Variants in PRAM1 observed in about 807,000 individuals in gnomAD.
PRAM1 encodes the protein PML-RARA-regulated adapter molecule 1.
A neutral mutation model predicts 55.3 loss-of-function variants in PRAM1; 41 were observed. The ratio of observed to expected loss-of-function variants is 0.74; its 90% CI spans 0.58 to 0.96. The LOEUF is 0.96. Ranked by LOEUF, PRAM1 falls within the 40% of genes least tolerant of loss-of-function variation. The pLI is 0.00. For missense variants in PRAM1, 898 were observed against 892.7 expected, an observed-to-expected ratio of 1.01 and a Z score of -0.08; for synonymous variants, 401 against 387.1, an observed-to-expected ratio of 1.04 and a Z score of -0.42.
chr19:8,497,769 C>G lies in PRAM1; in HGVS notation c.1571G>C (p.Gly524Ala). 1 of 1,609,220 alleles carries G rather than the reference C, an allele frequency of 6.2e-7. No homozygotes were observed. Among genetic ancestry groups the G allele is most frequent in the Non-Finnish European group, 8.5e-7 (1 of 1,178,602 alleles). The part of the protein sequence containing the change: ...PRDDSSPSPK[G>A]RDEAPSVQQA... ...CGGGCAGGCCACCAACAAACCTCTGCCCTTGGGGCTGGGGCTGGAGTCATC... is the reference window on the plus strand; with the variant it reads ...CGGGCAGGCCACCAACAAACCTCTGGCCTTGGGGCTGGGGCTGGAGTCATC... Residue 524 changes from glycine (G) to alanine (A), a missense_variant, in exon 4 of 10, where the codon GGC becomes GCC. Gly to Ala is a moderately conservative substitution (Grantham distance 60, BLOSUM62 0). Around this residue, in one of 4 missense-constraint regions of PRAM1, gnomAD observed 787 missense variants for 735.4 expected, o/e 1.07. Transcript: ENST00000423345.
At position 8,490,831 on chromosome 19, in the gene PRAM1, C is replaced by A; in HGVS notation, c.1743+56G>T. ...CCTGTCTTCTTTCTGAGCCTGGGAT[C>A]GGTGGGACCCTGGTCTCCGCCCTGC... On this transcript the variant is annotated intron_variant, in intron 6 of 9. Transcript: ENST00000423345. The surrounding 1 kb of genome is among the most constrained non-coding windows in gnomAD (Gnocchi z 7.3). 2.5e-6 allele frequency: 4 copies of A among 1,608,390 alleles called. No homozygotes were observed. In the South Asian group the frequency reaches 4.4e-5, roughly 18 times the overall value.
chr19:8,495,641 C>T (rs966104494), intron 4 of PRAM1, among the ~76,000 whole-genome samples: 1 of 151,802 alleles, frequency 6.6e-6, no homozygotes, highest in Non-Finnish European at 1.5e-5. Flanking sequence ...AGGTGCTTGC[C>T]TGGAAGCTGC....
chr19:8,491,303 G>A (rs1002309341), intron 4 of PRAM1, 146 bp from the exon 5 acceptor site: 27 of 815,498 alleles, frequency 3.3e-5, no homozygotes, highest in East Asian at 5.3e-5. Context: ...GCACAATCTC[G>A]GCTCACTGCA....
Position 8,490,417 on chromosome 19 carries a change from C to G in PRAM1, c.1941-45G>C. ...TCAGCAAGGGGCACCGTGGCCCATT[C>G]CCCCCACCCTGCACCACACACCCCG... On this transcript the variant is annotated intron_variant, in intron 8 of 9. Coordinates refer to ENST00000423345, the MANE Select transcript of PRAM1 (RefSeq NM_032152.5). The surrounding 1 kb of genome is among the most constrained non-coding windows in gnomAD (Gnocchi z 7.3). 6.2e-7 allele frequency: 1 copy of G among 1,613,458 alleles called. No individual in the cohort carries two copies. Among genetic ancestry groups the G allele is most frequent in the East Asian group, 2.2e-5 (1 of 44,850 alleles).
At chr19:8,492,683 G>A (rs923994362) in intron 4 of PRAM1, among the ~76,000 whole-genome samples, 14 of 152,134 alleles carry the variant, frequency 9.2e-5, no homozygotes, top group Non-Finnish European at 8.8e-5. Context: ...CATTGCACAG[G>A]AGGGCAATGA....
In PRAM1 at chr19:8,490,172, CCCCACG is replaced by C. The variant is rs768920736; in HGVS notation, c.*11_*16del. 75 of 1,553,564 alleles carry C rather than the reference CCCCACG, an allele frequency of 4.8e-5. No homozygotes were observed. In the Middle Eastern group the frequency reaches 1.0e-3, roughly 21 times the overall value. ...GCGCTGGGCTGGCTGGCTGTCCTGG[CCCCACG>C]CCTACCGGTCTTACCGTCCCAGGGG... On this transcript the variant is annotated 3_prime_UTR_variant, in exon 10 of 10. Transcript: ENST00000423345. The surrounding 1 kb of genome is among the most constrained non-coding windows in gnomAD (Gnocchi z 7.3).
chr19:8,499,718 G>A lies in PRAM1; in HGVS notation c.90C>T (p.Ser30=), dbSNP rs767559785. The A allele has an allele frequency of 2.5e-6, 4 of 1,613,660 alleles. No homozygotes were observed. Among genetic ancestry groups the A allele is most frequent in the African/African-American group, 2.7e-5 (2 of 74,972 alleles). ...AKFQASQPEP[S]DLPKKPPKPE... is the part of the protein sequence containing the mutation. ...GCTTCGGAGGTTTTTTGGGCAGGTC[G>A]CTGGGCTCCGGCTGAGAGGCCTGGA... The change falls in exon 2 of 10, where the codon AGC becomes AGT. Residue 30 remains serine (S), a synonymous_variant. Transcript: ENST00000423345.
chr19:8,490,188 C>T lies in PRAM1; in HGVS notation c.*1G>A. ...CTGTCCTGGCCCCACGCCTACCGGT[C>T]TTACCGTCCCAGGGGGAGTGGTTGG... On this transcript the variant is annotated 3_prime_UTR_variant, in exon 10 of 10. Transcript: ENST00000423345. The surrounding 1 kb of genome is among the most constrained non-coding windows in gnomAD (Gnocchi z 7.3). The T allele has an allele frequency of 6.3e-7, 1 of 1,577,348 alleles. No individual in the cohort carries two copies. The highest frequency in any genetic ancestry group is 1.3e-5 in the African/African-American group (1 of 74,554).
At chr19:8,502,423 G>A (rs1022240066) in intron 1 of PRAM1, 142 bp downstream of exon 1, 19 of 1,059,420 alleles carry the variant, frequency 1.8e-5, no homozygotes, top group African/African-American at 1.6e-4. Context: ...CCTTTTTGCC[G>A]ACCCTTCCCG....
Position 8,490,376 on chromosome 19 carries a change from G to A in PRAM1, c.1941-4C>T, listed in dbSNP as rs1404098907. The stretch of plus-strand genomic sequence containing the variant: ...ATCATCGTACACCTCCGTCTCCCTG[G>A]CAGAGCACAGTTGGGTCAGCAAGGG... On this transcript the variant is annotated splice_polypyrimidine_tract_variant and splice_region_variant and intron_variant, in intron 8 of 9. Transcript: ENST00000423345. This position sits in a 1 kb window ranked among gnomAD's most constrained non-coding sequence, Gnocchi z 7.3. The A allele has an allele frequency of 1.2e-6, 2 of 1,613,946 alleles. No homozygotes were observed. The highest frequency in any genetic ancestry group is 1.6e-4 in the Middle Eastern group (1 of 6,062).
chr19:8,496,596 G>A (rs553382522), intron 4 of PRAM1, among the ~76,000 whole-genome samples: 6 of 152,032 alleles, frequency 3.9e-5, no homozygotes, highest in South Asian at 2.1e-4. Flanking sequence ...TTGGTGGCAC[G>A]TGCCTGTAAT....
chr19:8,491,064 C>T (rs775736838), intron 5 of PRAM1, 36 bp downstream of exon 5: 7 of 1,611,740 alleles, frequency 4.3e-6, no homozygotes, highest in African/African-American at 4.0e-5. Context: ...TCCTGGAGCT[C>T]GCCCCCCGTC....
chr19:8,502,475 CGCCCCTCCACAGGTG>C, intron 1 of PRAM1, 75 bp downstream of exon 1: 2 of 528,962 alleles, frequency 3.8e-6, no homozygotes, highest in Non-Finnish European at 6.8e-6. Context: ...CCCCCCCGCC[CGCCCCTCCACAGGTG>C]GATCCTATCC....
At chr19:8,497,201 G>T (rs1266162186) in intron 4 of PRAM1, among the ~76,000 whole-genome samples, 1 of 146,738 alleles carries the variant, frequency 6.8e-6, no homozygotes, top group African/African-American at 2.5e-5. Flanking sequence ...TTGAGACAGG[G>T]TGTTTGCTGC....
intron 1 of PRAM1, 61 bp from the exon 2 acceptor site, chr19:8,499,841 G>A: frequency 7.1e-7 from 1 of 1,414,520 alleles, no homozygotes; most frequent in Non-Finnish European, 9.5e-7. Flanking sequence ...ATGGAAGGAT[G>A]GGCCTGGGGA....
Position 8,490,460 on chromosome 19 carries a change from C to T in PRAM1, c.1940+16G>A. 1 of 1,613,096 alleles carries T rather than the reference C, an allele frequency of 6.2e-7. No homozygotes were observed. Among genetic ancestry groups the T allele is most frequent in the Non-Finnish European group, 8.5e-7 (1 of 1,179,570 alleles). On this transcript the variant is annotated intron_variant, in intron 8 of 9. Coordinates refer to ENST00000423345, the MANE Select transcript of PRAM1 (RefSeq NM_032152.5). This position sits in a 1 kb window ranked among gnomAD's most constrained non-coding sequence, Gnocchi z 7.3. ...ACACCCCGCACTCCCCCACCACGGT[C>T]AGGGCTGGCACTCACAGGGGCAGGA...
chr19:8,502,457 A>ACCCCCCCCCCCCCC (rs138708138), intron 1 of PRAM1, 108 bp downstream of exon 1: 408 of 470,052 alleles, frequency 8.7e-4, no homozygotes, highest in Middle Eastern at 1.3e-3. Context: ...TTTCGCAGCC[A>ACCCCCCCCCCCCCC]CCCCCCGCCC....
In PRAM1 at chr19:8,493,338, T is replaced by C. The variant is rs1345575030; in HGVS notation, c.1577-2181A>G. 2.0e-5 allele frequency among the ~76,000 whole-genome samples: 3 copies of C among 152,186 alleles called. No homozygotes were observed. Among genetic ancestry groups the C allele is most frequent in the African/African-American group, 7.2e-5 (3 of 41,452 alleles). On this transcript the variant is annotated intron_variant, in intron 4 of 9. Coordinates refer to ENST00000423345, the MANE Select transcript of PRAM1 (RefSeq NM_032152.5). This position sits in a 1 kb window ranked among gnomAD's most constrained non-coding sequence, Gnocchi z 4.1. ...AATCGTGCCCGCCAGATACCAGGCA[T>C]GGCCATCCACAGTCTCACCTGGAAC...
rs751846387 is a variant in PRAM1, at chr19:8,490,734, T to C, written c.1766A>G (p.His589Arg). The C allele has an allele frequency of 3.7e-6, 6 of 1,610,606 alleles. No homozygotes were observed. Among genetic ancestry groups the C allele is most frequent in the Middle Eastern group, 1.6e-4 (1 of 6,062 alleles). The stretch of plus-strand genomic sequence containing the variant: ...GTTGGGGTCGATCATCATCTTCGTG[T>C]GAACCACGATCTCCCCTTCAAACTG... ...KFKFEGEIVV[H>R]TKMMIDPNAK... Residue 589 changes from histidine (H) to arginine (R), a missense_variant, in exon 7 of 10, where the codon CAC becomes CGC. Around this residue, in one of 4 missense-constraint regions of PRAM1, gnomAD observed 787 missense variants for 735.4 expected, o/e 1.07. Coordinates refer to ENST00000423345, the MANE Select transcript of PRAM1 (RefSeq NM_032152.5). The surrounding 1 kb of genome is among the most constrained non-coding windows in gnomAD (Gnocchi z 7.3).
Sources: gnomAD v4.1 joint callset for allele counts (sites outside exome capture counted in the v4.1 genomes callset) on GRCh38, gnomAD v4.1.1 for gene constraint, gnomAD v4.1.1 regional missense constraint, Gnocchi (gnomAD v3.1) non-coding constraint, MANE v1.5 for transcripts, NCBI Gene and HGNC (gene_info 2026-07-23, HGNC 2026-07-21) for gene names.